GRIP2: variants seen among roughly 807,000 people sequenced by gnomAD.
The protein encoded by GRIP2 is glutamate receptor interacting protein 2.
A neutral mutation model predicts 108.3 loss-of-function variants in GRIP2; 58 were observed. The ratio of observed to expected loss-of-function variants is 0.54; its 90% CI spans 0.43 to 0.67. The LOEUF is 0.67. Among genes scored for constraint, GRIP2 ranks in the 30% least tolerant of loss-of-function variants. The probability of loss-of-function intolerance (pLI) is 0.00; values close to 1 mark genes in which losing one functional copy is unlikely to be tolerated. For synonymous variants in GRIP2, 586 were observed against 598.2 expected (o/e 0.98, Z 0.30); for missense variants, 1,278 against 1,430.6 (o/e 0.89, Z 1.72).
chr3:14,573,485 GA>G, the GRIP2 span: 1 of 1,547,116 alleles, frequency 6.5e-7, no homozygotes, highest in Non-Finnish European at 8.9e-7. Flanking sequence ...CAGGGTTGAG[GA>G]AAGGCAGGAG....
chr3:14,531,244 G>A (rs1044447567), intron 1 of GRIP2, among the ~76,000 whole-genome samples: 3 of 151,784 alleles, frequency 2.0e-5, no homozygotes, highest in Non-Finnish European at 2.9e-5. Context: ...TGCCTTATTG[G>A]ACTGGCCAGA....
Position 14,521,753 on chromosome 3 carries a change from T to C in GRIP2, c.601A>G (p.Ser201Gly). The C allele has an allele frequency of 6.2e-7, 1 of 1,607,210 alleles. No homozygotes were observed. ...CCGTGCAGCGGGATTCCATCGACAC[T>C]GAGCAGCCTGTCGCCCACCTTCAGG... The part of the protein sequence containing the change: ...GSLKVGDRLL[S>G]VDGIPLHGAS... Residue 201 changes from serine (S) to glycine (G), a missense_variant, in exon 7 of 24, where the codon AGT becomes GGT. By Grantham distance (56) the Ser-to-Gly change is moderately conservative (BLOSUM62 0). Coordinates refer to ENST00000621039, the MANE Select transcript of GRIP2 (RefSeq NM_001080423.4). This position sits in a 1 kb window ranked among gnomAD's most constrained non-coding sequence, Gnocchi z 5.1.
At chr3:14,574,613 A>G in the GRIP2 span, 1 of 682,918 alleles carries the variant, frequency 1.5e-6, no homozygotes, top group South Asian at 1.6e-5. Context: ...CATGGAGGAT[A>G]CCTTCCTGGG....
chr3:14,493,699 C>A lies in GRIP2; in HGVS notation c.3098G>T (p.Arg1033Leu), dbSNP rs181971811. The part of the protein sequence containing the change: ...PHTAHSSRAP[R>L]SPGPSSPRML ...CCGGGGACTGCTGGGGCCTGGCGAT[C>A]GGGGGGCCCGGCTGCTGTGTGCCGT... The change falls in exon 24 of 24, where the codon CGA becomes CTA. Residue 1033 changes from arginine to leucine, a missense_variant. Coordinates refer to ENST00000621039, the MANE Select transcript of GRIP2 (RefSeq NM_001080423.4). 1 of 1,608,002 alleles carries A rather than the reference C, an allele frequency of 6.2e-7. No homozygotes were observed. The highest frequency in any genetic ancestry group is 8.5e-7 in the Non-Finnish European group (1 of 1,177,560).
intron 23 of GRIP2, among the ~76,000 whole-genome samples, chr3:14,494,593 G>A (rs73031848): frequency 0.026 from 4,008 of 152,324 alleles, 122 homozygotes; most frequent in Admixed American, 0.089. Flanking sequence ...CAAGATGGGC[G>A]GATGCTCCAT....
the GRIP2 span, among the ~76,000 whole-genome samples, chr3:14,569,316 A>T: frequency 6.6e-6 from 1 of 152,218 alleles, no homozygotes; most frequent in Non-Finnish European, 1.5e-5. Flanking sequence ...GTGTCAGAGA[A>T]AGCTTCTGGT....
chr3:14,536,873 G>C (rs1694847618), intron 1 of GRIP2, among the ~76,000 whole-genome samples: 5 of 152,186 alleles, frequency 3.3e-5, no homozygotes, highest in Admixed American at 3.3e-4. Context: ...CACCACAACT[G>C]TCAGTCCCCG....
the GRIP2 span, chr3:14,574,496 C>A: frequency 1.4e-6 from 1 of 728,832 alleles, no homozygotes; most frequent in Non-Finnish European, 2.5e-6. Context: ...CACTGCGGTC[C>A]AGGGCCCTGC....
In GRIP2 at chr3:14,490,946, ATTAT is replaced by A. The variant is rs1486392641; in HGVS notation, c.*2715_*2718del. ...GTTGCACTTGATGCCTTTTGAAATA[ATTAT>A]TTATTTGCTTACTTGTTGATTGTCT... On this transcript the variant is annotated 3_prime_UTR_variant, in exon 24 of 24. Coordinates refer to ENST00000621039, the MANE Select transcript of GRIP2 (RefSeq NM_001080423.4). 3 of 152,204 alleles carry A rather than the reference ATTAT, an allele frequency of 2.0e-5. No individual in the cohort carries two copies. Among genetic ancestry groups the A allele is most frequent in the African/African-American group, 7.2e-5 (3 of 41,438 alleles). The allele number at this position is 152,204 out of a possible 1,614,324, so 9.4% of individuals were successfully genotyped here. A position where few individuals can be genotyped will look rare whatever the true frequency, so the allele number is the denominator to read the frequency against.
intron 9 of GRIP2, among the ~76,000 whole-genome samples, chr3:14,518,721 C>G (rs1443150774): frequency 6.6e-6 from 1 of 152,218 alleles, no homozygotes. Context: ...CCACAGCCCC[C>G]CTCCCCAGGG....
At chr3:14,540,410 A>C (rs770766098), upstream of GRIP2, 10 of 1,605,212 alleles carry the variant, frequency 6.2e-6, no homozygotes, top group South Asian at 1.0e-4. The surrounding 1 kb of genome is among the most constrained non-coding windows in gnomAD (Gnocchi z 4.1). Context: ...GGAAGCTCAC[A>C]GCTCCCACTG....
rs1418540266 is a variant in GRIP2 at position 14,490,624 on chromosome 3, T to A, written c.*3041A>T. 1 of 152,218 alleles carries A rather than the reference T, an allele frequency of 6.6e-6. No homozygotes were observed. Among genetic ancestry groups the A allele is most frequent in the Non-Finnish European group, 1.5e-5 (1 of 68,066 alleles). The allele number at this position is 152,218 out of a possible 1,614,324, so 9.4% of individuals were successfully genotyped here. A position where few individuals can be genotyped will look rare whatever the true frequency, so the allele number is the denominator to read the frequency against. ...CTGCTGCGCAGAGAATCAAATTTGC[T>A]CCCCCTACCCAAGCCTTCACGACTG... On this transcript the variant is annotated 3_prime_UTR_variant, in exon 24 of 24. Coordinates refer to ENST00000621039, the MANE Select transcript of GRIP2 (RefSeq NM_001080423.4).
At chr3:14,556,223 G>A (rs1196371496), upstream of GRIP2, 2 of 381,916 alleles carry the variant, frequency 5.2e-6, no homozygotes, top group South Asian at 1.5e-4. Flanking sequence ...AACCTCCAGC[G>A]GGCCCCACCC....
Position 14,521,952 on chromosome 3 carries a change from A to C in GRIP2, c.567-165T>G. ...AAGGGGCGCATGAGTGAGTGAAGGA[A>C]TGAGCCACTCCAGGAGTGGGGAGCT... On this transcript the variant is annotated intron_variant, in intron 6 of 23. Coordinates refer to ENST00000621039, the MANE Select transcript of GRIP2 (RefSeq NM_001080423.4). This position sits in a 1 kb window ranked among gnomAD's most constrained non-coding sequence, Gnocchi z 5.1. The C allele has an allele frequency of 1.8e-5, 11 of 609,436 alleles. No homozygotes were observed. Among genetic ancestry groups the C allele is most frequent in the East Asian group, 3.2e-5 (1 of 31,574 alleles). 37.8% of individuals were successfully genotyped at this position (609,436 alleles called of 1,614,324 possible).
At position 14,505,753 on chromosome 3, in the gene GRIP2, G is replaced by C. The variant is rs745574318; in HGVS notation, c.2435C>G (p.Thr812Ser). ...YTPQAAARGT[T>S]PQERRPGWLR... The stretch of plus-strand genomic sequence containing the variant: ...CCAGCCAGGCCTCCGCTCCTGGGGG[G>C]TCGTGCCCCGGGCTGCTGCCTGTGG... The change falls in exon 20 of 24, where the codon ACC (threonine) becomes AGC (serine). Residue 812 changes from threonine to serine, a missense_variant. Physicochemically the swap from Thr to Ser is moderately conservative, Grantham distance 58. Transcript: ENST00000621039. The surrounding 1 kb of genome is among the most constrained non-coding windows in gnomAD (Gnocchi z 4.2). 1 of 1,575,550 alleles carries C rather than the reference G, an allele frequency of 6.3e-7. No individual in the cohort carries two copies. The highest frequency in any genetic ancestry group is 8.6e-7 in the Non-Finnish European group (1 of 1,160,580).
the GRIP2 span, among the ~76,000 whole-genome samples, chr3:14,592,661 T>C: frequency 2.6e-5 from 4 of 152,166 alleles, no homozygotes; most frequent in Non-Finnish European, 5.9e-5. Context: ...CATGAAGCTC[T>C]GGGTTTCCAG....
At chr3:14,517,497 T>C (rs1294710889) in intron 10 of GRIP2, among the ~76,000 whole-genome samples, 9 of 18,366 alleles carry the variant, frequency 4.9e-4, no homozygotes, top group African/African-American at 2.9e-3. Context: ...TCTCTCTCTT[T>C]TTTTTTTTTT....
rs62233595 is a variant in GRIP2, at chr3:14,518,445, G to A, written c.1031-548C>T. ...GTTGGCCAAGGCTGAAGTGCACCAC[G>A]GGCTGAGGCTGCTCCCCCTTCCCAG... On this transcript the variant is annotated intron_variant, in intron 9 of 23. Coordinates refer to ENST00000621039, the MANE Select transcript of GRIP2 (RefSeq NM_001080423.4). Among the ~76,000 whole-genome samples, 421 of 152,238 alleles carry A rather than the reference G, an allele frequency of 2.8e-3. 2 individuals are homozygous for A. Among genetic ancestry groups the A allele is most frequent in the Middle Eastern group, 6.8e-3 (2 of 294 alleles).
intron 9 of GRIP2, among the ~76,000 whole-genome samples, chr3:14,518,813 C>G (rs1106249): frequency 0.65 from 98,946 of 152,162 alleles, 32,710 homozygotes; most frequent in South Asian, 0.84. Context: ...GGAGTCACTT[C>G]GCCTATCTGT....
Sources: gnomAD v4.1 joint callset for allele counts (sites outside exome capture counted in the v4.1 genomes callset) on GRCh38, gnomAD v4.1.1 for gene constraint, Gnocchi (gnomAD v3.1) non-coding constraint, MANE v1.5 for transcripts, NCBI Gene and HGNC (gene_info 2026-07-23, HGNC 2026-07-21) for gene names.